PIGU: variants seen among roughly 807,000 people sequenced by gnomAD.
The protein encoded by PIGU is phosphatidylinositol glycan anchor biosynthesis class U.
In PIGU, 24 loss-of-function variants were observed where a neutral mutation model predicts 49.9. The ratio of observed to expected loss-of-function variants is 0.48; its 90% CI spans 0.35 to 0.68. The LOEUF (loss-of-function observed/expected upper bound fraction) is 0.68. Among genes scored for constraint, PIGU ranks in the 30% least tolerant of loss-of-function variants. The probability of loss-of-function intolerance (pLI) is 0.01; values close to 1 mark genes in which losing one functional copy is unlikely to be tolerated. For synonymous variants in PIGU, 220 were observed against 205.7 expected (o/e 1.07, Z -0.59); for missense variants, 490 against 532.6 (o/e 0.92, Z 0.79).
chr20:34,626,932 A>C (rs1483370136), intron 6 of PIGU, among the ~76,000 whole-genome samples: 1 of 151,918 alleles, frequency 6.6e-6, no homozygotes, highest in East Asian at 1.9e-4. Context: ...AATTTTATTA[A>C]TATTATGTGG....
intron 6 of PIGU, among the ~76,000 whole-genome samples, chr20:34,621,313 G>A (rs1985215232): frequency 6.6e-6 from 1 of 152,116 alleles, no homozygotes; most frequent in Non-Finnish European, 1.5e-5. Flanking sequence ...CTTATGAAGT[G>A]TAATACACAG....
intron 11 of PIGU, among the ~76,000 whole-genome samples, chr20:34,568,830 C>T (rs1278062907): frequency 6.6e-6 from 1 of 152,172 alleles, no homozygotes; most frequent in Non-Finnish European, 1.5e-5. Context: ...GTCTGCAGTA[C>T]AGGGAGGGGT....
At chr20:34,581,445 G>C in intron 10 of PIGU, 103 bp downstream of exon 10, 2 of 1,452,036 alleles carry the variant, frequency 1.4e-6, no homozygotes, top group Non-Finnish European at 1.9e-6. Flanking sequence ...AGTGCTGCCA[G>C]CATAACAGGT....
intron 7 of PIGU, among the ~76,000 whole-genome samples, chr20:34,590,076 C>G (rs1288164424): frequency 6.7e-6 from 1 of 150,338 alleles, no homozygotes; most frequent in African/African-American, 2.5e-5. Context: ...AATTTTTCCT[C>G]TCTTAAAAAT....
chr20:34,635,541 A>G (rs553802765), intron 5 of PIGU, among the ~76,000 whole-genome samples: 1 of 152,212 alleles, frequency 6.6e-6, no homozygotes, highest in Non-Finnish European at 1.5e-5. Context: ...AATTGTTTGT[A>G]TTTATTTCTA....
At chr20:34,595,602 G>A in intron 7 of PIGU, among the ~76,000 whole-genome samples, 1 of 152,096 alleles carries the variant, frequency 6.6e-6, no homozygotes, top group East Asian at 1.9e-4. Flanking sequence ...TGCTCTTTTT[G>A]TACAGCTGAC....
intron 7 of PIGU, among the ~76,000 whole-genome samples, chr20:34,597,828 G>C (rs186450228): frequency 3.2e-4 from 49 of 152,250 alleles, no homozygotes; most frequent in Non-Finnish European, 6.0e-4. Context: ...AGAATGTTGG[G>C]AAAATGTAAG....
At chr20:34,583,416 CAA>C (rs962575032) in intron 9 of PIGU, among the ~76,000 whole-genome samples, 2 of 152,206 alleles carry the variant, frequency 1.3e-5, no homozygotes, top group African/African-American at 4.8e-5. Context: ...GCACTGGAAA[CAA>C]ATCTTGCAGG....
At chr20:34,604,799 T>C (rs1227591141) in intron 7 of PIGU, among the ~76,000 whole-genome samples, 1 of 152,086 alleles carries the variant, frequency 6.6e-6, no homozygotes, top group Non-Finnish European at 1.5e-5. Context: ...ATCACAGGAT[T>C]AACGTTTTCA....
Position 34,637,880 on chromosome 20 carries a change from G to A in PIGU, c.424C>T (p.Leu142=), listed in dbSNP as rs751348592. The A allele has an allele frequency of 8.1e-6, 13 of 1,610,232 alleles. No individual in the cohort carries two copies. Among genetic ancestry groups the A allele is most frequent in the Non-Finnish European group, 1.1e-5 (13 of 1,178,558 alleles). ...EMRYIPLKVA[L]FYLLNPYTIL... is the part of the protein sequence containing the mutation. The stretch of plus-strand genomic sequence containing the variant: ...GTTTTGTCAGGGAATACTTACAACA[G>A]GGCCACTTTCAAAGGGATGTAACGC... Residue 142 remains leucine (L), a synonymous_variant, in exon 5 of 12, where the codon CTG becomes TTG. Transcript: ENST00000217446.
chr20:34,581,661 A>T lies in PIGU; in HGVS notation c.938T>A (p.Ile313Asn). 6.2e-7 allele frequency: 1 copy of T among 1,612,552 alleles called. No individual in the cohort carries two copies. The highest frequency in any genetic ancestry group is 8.5e-7 in the Non-Finnish European group (1 of 1,179,706). ...AGCGATCTGGATAAACATGAAGAAG[A>T]TGGGGTGCTCCCTGGGGCAGGGCAG... ...PLAIKLKEHP[I>N]FFMFIQIAVI... Residue 313 changes from isoleucine to asparagine, a missense_variant, in exon 10 of 12, where the codon ATC becomes AAC. Physicochemically the swap from Ile to Asn is moderately radical, Grantham distance 149. Coordinates refer to ENST00000217446, the MANE Select transcript of PIGU (RefSeq NM_080476.5).
chr20:34,662,538 G>A (rs557981746), intron 1 of PIGU, among the ~76,000 whole-genome samples: 2 of 152,046 alleles, frequency 1.3e-5, no homozygotes, highest in African/African-American at 2.4e-5. Flanking sequence ...AGGATTACAG[G>A]TGCCTGCCAC....
intron 11 of PIGU, among the ~76,000 whole-genome samples, chr20:34,573,007 T>C (rs936355228): frequency 2.6e-5 from 4 of 152,142 alleles, no homozygotes; most frequent in African/African-American, 4.8e-5. Context: ...TTTCATTGCA[T>C]AGTCTTTTTA....
intron 6 of PIGU, among the ~76,000 whole-genome samples, chr20:34,634,293 A>C (rs938254538): frequency 6.6e-6 from 1 of 151,950 alleles, no homozygotes; most frequent in Non-Finnish European, 1.5e-5. Flanking sequence ...GCTGGTCTTA[A>C]TCTTCTGGGC....
intron 2 of PIGU, among the ~76,000 whole-genome samples, chr20:34,645,985 G>C (rs573930373): frequency 6.6e-5 from 10 of 152,242 alleles, no homozygotes; most frequent in Admixed American, 2.6e-4. Flanking sequence ...TATAATAGCC[G>C]AGGGGAATTC....
intron 4 of PIGU, among the ~76,000 whole-genome samples, chr20:34,643,246 A>G (rs1273167968): frequency 1.3e-5 from 2 of 152,164 alleles, no homozygotes; most frequent in Admixed American, 6.6e-5. Flanking sequence ...ATACACACAC[A>G]CACATATAAT....
intron 7 of PIGU, among the ~76,000 whole-genome samples, chr20:34,597,030 T>A (rs1984227288): frequency 6.6e-6 from 1 of 152,176 alleles, no homozygotes; most frequent in Non-Finnish European, 1.5e-5. Flanking sequence ...TAGACTGTCA[T>A]ATTTGGTTGG....
intron 1 of PIGU, among the ~76,000 whole-genome samples, chr20:34,659,711 A>C (rs975916861): frequency 6.6e-6 from 1 of 152,200 alleles, no homozygotes; most frequent in African/African-American, 2.4e-5. Context: ...GTACTAAGAA[A>C]AATTATTCTG....
chr20:34,617,504 T>C (rs558988843), intron 6 of PIGU, among the ~76,000 whole-genome samples: 1 of 152,368 alleles, frequency 6.6e-6, no homozygotes, highest in Admixed American at 6.5e-5. Context: ...GTAGCCCCTT[T>C]GGTTTGGCCA....
Sources: allele counts gnomAD v4.1 joint callset (sites outside exome capture counted in the v4.1 genomes callset), GRCh38; gene constraint gnomAD v4.1.1; transcripts MANE v1.5; gene names NCBI Gene and HGNC (gene_info 2026-07-23, HGNC 2026-07-21).